OTUD7B: variants seen among roughly 807,000 people sequenced by gnomAD.
The protein encoded by OTUD7B is OTU domain-containing protein 7B.
OTUD7B carries 34 observed loss-of-function variants against 82.2 expected under a neutral mutation model. That is an observed-to-expected ratio of 0.41 (90% CI 0.31 to 0.55). The LOEUF is 0.55. Among genes scored for constraint, OTUD7B ranks in the 20% least tolerant of loss-of-function variants. OTUD7B has a pLI of 0.20. For synonymous variants in OTUD7B, 398 were observed against 402.7 expected (o/e 0.99, Z 0.14); for missense variants, 944 against 1,062.1 (o/e 0.89, Z 1.55).
At position 149,946,100 on chromosome 1, in the gene OTUD7B, C is replaced by T. The variant is rs901755336; in HGVS notation, c.1324-1035G>A. Among the ~76,000 whole-genome samples, 4 of 148,930 alleles carry T rather than the reference C, an allele frequency of 2.7e-5. No homozygotes were observed. In the Admixed American group the frequency reaches 2.7e-4, roughly 10 times the overall value. On this transcript the variant is annotated intron_variant, in intron 11 of 11. Transcript: ENST00000581312. ...ATAATAATAATAATATGTTTTAGGTCAGGCGCGGTGGCTCACGCCTGTAAT... is the reference window on the plus strand; with the variant it reads ...ATAATAATAATAATATGTTTTAGGTTAGGCGCGGTGGCTCACGCCTGTAAT...
At chr1:150,042,215 C>G in the OTUD7B span, among the ~76,000 whole-genome samples, 1 of 149,420 alleles carries the variant, frequency 6.7e-6, no homozygotes, top group South Asian at 2.2e-4. Flanking sequence ...CTCTGTCGCC[C>G]AGGCTGGAAT....
At chr1:150,014,396 C>CAA (rs149994819), upstream of OTUD7B, among the ~76,000 whole-genome samples, 1,263 of 116,708 alleles carry the variant, frequency 0.011, 17 homozygotes, top group Middle Eastern at 0.03. Flanking sequence ...GAAAGTGTCT[C>CAA]AAAAAAAAAA....
At chr1:150,000,160 A>AAAAAC (rs201499838) in intron 1 of OTUD7B, among the ~76,000 whole-genome samples, 4 of 152,158 alleles carry the variant, frequency 2.6e-5, no homozygotes, top group East Asian at 1.9e-4. Context: ...GGGTAAGTTT[A>AAAAAC]AAAACAAAAC....
At chr1:149,998,614 T>C (rs1007822355) in intron 1 of OTUD7B, among the ~76,000 whole-genome samples, 1 of 152,244 alleles carries the variant, frequency 6.6e-6, no homozygotes, top group Non-Finnish European at 1.5e-5. Flanking sequence ...AACTTCTATA[T>C]AGCTATGTAA....
intron 1 of OTUD7B, among the ~76,000 whole-genome samples, chr1:149,990,857 G>A (rs1553781929): frequency 1.3e-5 from 2 of 152,110 alleles, no homozygotes; most frequent in African/African-American, 4.8e-5. Context: ...CAGGCATGGT[G>A]GCACATGCTT....
the OTUD7B span, among the ~76,000 whole-genome samples, chr1:150,055,845 A>G: frequency 0.022 from 3,338 of 152,290 alleles, 113 homozygotes; most frequent in African/African-American, 0.074. Flanking sequence ...AGAACTAATG[A>G]ACACAAAGAA....
chr1:149,992,165 C>A (rs1651611790), intron 1 of OTUD7B, among the ~76,000 whole-genome samples: 1 of 152,124 alleles, frequency 6.6e-6, no homozygotes, highest in South Asian at 2.1e-4. Flanking sequence ...GCGGAGGTTG[C>A]ACTGAGCTGA....
intron 1 of OTUD7B, among the ~76,000 whole-genome samples, chr1:150,003,244 T>G (rs1652424144): frequency 7.8e-6 from 1 of 127,442 alleles, no homozygotes; most frequent in African/African-American, 3.0e-5. Flanking sequence ...AGCAAGACTC[T>G]GTCTCAAAAA....
the OTUD7B span, among the ~76,000 whole-genome samples, chr1:150,015,894 T>C: frequency 6.6e-6 from 1 of 152,120 alleles, no homozygotes; most frequent in Non-Finnish European, 1.5e-5. Context: ...CAATTCGAGA[T>C]GTGAGAAAAT....
intron 3 of OTUD7B, among the ~76,000 whole-genome samples, chr1:149,969,366 T>C (rs1649747762): frequency 6.6e-6 from 1 of 152,090 alleles, no homozygotes; most frequent in Admixed American, 6.5e-5. Context: ...CAATATACCA[T>C]CAAAAGGTAT....
the OTUD7B span, among the ~76,000 whole-genome samples, chr1:150,046,432 C>A: frequency 7.0e-6 from 1 of 142,204 alleles, no homozygotes; most frequent in Admixed American, 7.6e-5. Context: ...CTCCTCAAAG[C>A]TCTCCAGTGG....
At chr1:149,955,275 A>G (rs148655938) in intron 7 of OTUD7B, among the ~76,000 whole-genome samples, 3,319 of 152,232 alleles carry the variant, frequency 0.022, 131 homozygotes, top group African/African-American at 0.076. Context: ...GAACATCTTT[A>G]TTTCTGCCTT....
chr1:149,992,902 A>G (rs148708969), intron 1 of OTUD7B, among the ~76,000 whole-genome samples: 1,543 of 152,028 alleles, frequency 0.01, 9 homozygotes, highest in South Asian at 0.02. Flanking sequence ...TGTAATCCCA[A>G]CACTCTGGGA....
chr1:149,989,056 GA>G (rs1651381395), intron 1 of OTUD7B, among the ~76,000 whole-genome samples: 1 of 152,014 alleles, frequency 6.6e-6, no homozygotes, highest in Admixed American at 6.6e-5. Flanking sequence ...AGAAATAGAA[GA>G]AAAAAATTCA....
At position 149,943,725 on chromosome 1, in the gene OTUD7B, T is replaced by G. The variant is rs1647433557; in HGVS notation, c.*132A>C. 1.5e-5 allele frequency: 15 copies of G among 1,019,898 alleles called. No homozygotes were observed. In the East Asian group the frequency reaches 3.6e-4, roughly 24 times the overall value. The allele number at this position is 1,019,898 out of a possible 1,614,324, so 63.2% of individuals were successfully genotyped here. A position where few individuals can be genotyped will look rare whatever the true frequency, so the allele number is the denominator to read the frequency against. On this transcript the variant is annotated 3_prime_UTR_variant, in exon 12 of 12. Transcript: ENST00000581312. ...TGGCAGCACTCCTGTGTGCACACAC[T>G]TAAAAGTTTCCAGCCAGGCTCCCAC...
chr1:149,974,526 TTTC>T (rs2101848864), intron 2 of OTUD7B, among the ~76,000 whole-genome samples: 1 of 82,154 alleles, frequency 1.2e-5, no homozygotes, highest in East Asian at 3.2e-4. Context: ...TTCTTTTATT[TTTC>T]TTCTTTTTTT....
rs1377511677 is a variant in OTUD7B, at chr1:149,967,594, G to A, written c.275-73C>T. ...AGAACTCTACACTGATGTGGTGATA[G>A]TTACCTCTCAACAGGGTTTACAGTC... On this transcript the variant is annotated intron_variant, in intron 3 of 11. Coordinates refer to ENST00000581312, the MANE Select transcript of OTUD7B (RefSeq NM_020205.4). 7.0e-6 allele frequency: 8 copies of A among 1,144,376 alleles called. No individual in the cohort carries two copies. The African/African-American group carries it at 1.1e-4, about 16-fold the overall frequency. 70.9% of individuals were successfully genotyped at this position (1,144,376 alleles called of 1,614,324 possible). A position where few individuals can be genotyped will look rare whatever the true frequency, so the allele number is the denominator to read the frequency against.
At chr1:149,990,368 G>T (rs1031259058) in intron 1 of OTUD7B, among the ~76,000 whole-genome samples, 3 of 152,218 alleles carry the variant, frequency 2.0e-5, no homozygotes, top group Non-Finnish European at 4.4e-5. Flanking sequence ...ACATTGCTTA[G>T]CACATAGTAG....
chr1:149,968,075 C>T (rs1553776995), intron 3 of OTUD7B, among the ~76,000 whole-genome samples: 1 of 151,958 alleles, frequency 6.6e-6, no homozygotes, highest in African/African-American at 2.4e-5. Flanking sequence ...AGCAGCCTGA[C>T]CAACGTGGTG....
Sources: allele counts gnomAD v4.1 joint callset (sites outside exome capture counted in the v4.1 genomes callset), GRCh38; gene constraint gnomAD v4.1.1; transcripts MANE v1.5; gene names NCBI Gene and HGNC (gene_info 2026-07-23, HGNC 2026-07-21).